The following FNDC3A variants were observed in gnomAD, a reference collection of about 807,000 sequenced individuals.
FNDC3A encodes the protein fibronectin type III domain containing 3A.
FNDC3A carries 32 observed loss-of-function variants against 148.9 expected under a neutral mutation model. The ratio of observed to expected loss-of-function variants is 0.21; its 90% CI spans 0.16 to 0.29. The LOEUF (loss-of-function observed/expected upper bound fraction) is 0.29, where lower values mean the gene tolerates loss of function less well. Among genes scored for constraint, FNDC3A ranks in the 10% least tolerant of loss-of-function variants. The probability of loss-of-function intolerance (pLI) is 1.00; values close to 1 mark genes in which losing one functional copy is unlikely to be tolerated. For synonymous variants in FNDC3A, 472 were observed against 473.6 expected (o/e 1.00, Z 0.04); for missense variants, 1,191 against 1,452.8 (o/e 0.82, Z 2.93).
chr13:49,085,342 T>G (rs950313446), intron 3 of FNDC3A, among the ~76,000 whole-genome samples: 1 of 152,228 alleles, frequency 6.6e-6, no homozygotes, highest in African/African-American at 2.4e-5. Flanking sequence ...GGCCTTGTCC[T>G]TCTCTCATGT....
rs150947483 is a variant in FNDC3A at position 49,029,000 on chromosome 13, G to A, written c.99+22711G>A. ...GTAAGAATTTTTTTCTTGAGACAAG[G>A]TTTTACTTTGTCACCCAGGCTGGAG... On this transcript the variant is annotated intron_variant, in intron 2 of 25. Transcript: ENST00000492622. Among the ~76,000 whole-genome samples, 3 of 152,220 alleles carry A rather than the reference G, an allele frequency of 2.0e-5. No individual in the cohort carries two copies. The East Asian group carries it at 5.8e-4, about 29-fold the overall frequency.
chr13:49,192,458 A>G (rs1440557560), intron 19 of FNDC3A, among the ~76,000 whole-genome samples: 1 of 152,006 alleles, frequency 6.6e-6, no homozygotes, highest in Non-Finnish European at 1.5e-5. Flanking sequence ...CCACACCTGG[A>G]TAATTTTTTC....
intron 12 of FNDC3A, 25 bp from the exon 13 acceptor site, chr13:49,175,342 C>T: frequency 1.3e-6 from 2 of 1,511,302 alleles, no homozygotes; most frequent in Non-Finnish European, 1.8e-6. Flanking sequence ...TTTTTCATGC[C>T]TTTTAAAACC....
chr13:49,051,078 G>C (rs1461016046), intron 2 of FNDC3A, among the ~76,000 whole-genome samples: 2 of 152,114 alleles, frequency 1.3e-5, no homozygotes, highest in East Asian at 3.8e-4. Flanking sequence ...GCAGAAACTT[G>C]GTTGGTAAAT....
At chr13:49,021,784 C>T (rs1438713601) in intron 2 of FNDC3A, among the ~76,000 whole-genome samples, 1 of 152,090 alleles carries the variant, frequency 6.6e-6, no homozygotes, top group Non-Finnish European at 1.5e-5. Flanking sequence ...CTGTGTCATT[C>T]CTAATGATAT....
chr13:49,057,132 G>T (rs1165704354), intron 2 of FNDC3A, among the ~76,000 whole-genome samples: 1 of 152,064 alleles, frequency 6.6e-6, no homozygotes, highest in Non-Finnish European at 1.5e-5. Flanking sequence ...TTTGTCTAGG[G>T]GTTTCTAGAT....
chr13:49,158,144 C>T (rs1883835365), intron 8 of FNDC3A, among the ~76,000 whole-genome samples: 1 of 152,196 alleles, frequency 6.6e-6, no homozygotes, highest in Admixed American at 6.5e-5. Flanking sequence ...GCAGTTTGAT[C>T]TCAGACTGCT....
chr13:49,039,660 T>C (rs1487614571), intron 2 of FNDC3A, among the ~76,000 whole-genome samples: 1 of 152,208 alleles, frequency 6.6e-6, no homozygotes, highest in East Asian at 1.9e-4. Flanking sequence ...ACTGGGCATA[T>C]TTATAACTTT....
chr13:49,036,666 G>A (rs1484144772), intron 2 of FNDC3A, among the ~76,000 whole-genome samples: 2 of 152,174 alleles, frequency 1.3e-5, no homozygotes. Flanking sequence ...TGTAGTGGAG[G>A]TGACATCATG....
chr13:49,132,015 T>C (rs1882066567), intron 5 of FNDC3A, among the ~76,000 whole-genome samples: 1 of 152,214 alleles, frequency 6.6e-6, no homozygotes, highest in Admixed American at 6.5e-5. Context: ...CACGACTTGC[T>C]TTTTTTCCGT....
At chr13:49,151,639 A>G (rs973418417) in intron 8 of FNDC3A, among the ~76,000 whole-genome samples, 1 of 152,108 alleles carries the variant, frequency 6.6e-6, no homozygotes, top group Non-Finnish European at 1.5e-5. Context: ...GGTTTGTTAC[A>G]TAGGTATACA....
intron 3 of FNDC3A, among the ~76,000 whole-genome samples, chr13:49,075,975 T>G (rs1217271960): frequency 6.6e-6 from 1 of 152,150 alleles, no homozygotes; most frequent in Non-Finnish European, 1.5e-5. Flanking sequence ...TTCTGTGAAC[T>G]GTAGGGTGTT....
rs1426844571 is a variant in FNDC3A, at chr13:49,114,570, G to A, written c.176-85G>A. 2.0e-5 allele frequency: 17 copies of A among 845,922 alleles called. No homozygotes were observed. The South Asian group carries it at 2.3e-4, about 11-fold the overall frequency. The allele number at this position is 845,922 out of a possible 1,614,324, so 52.4% of individuals were successfully genotyped here. A position where few individuals can be genotyped will look rare whatever the true frequency, so the allele number is the denominator to read the frequency against. On this transcript the variant is annotated intron_variant, in intron 3 of 25. Transcript: ENST00000492622. The stretch of plus-strand genomic sequence containing the variant: ...CTGTTGGCTTGAGTGTTTAGATGAA[G>A]TATTCAAAATGTAATTCAAATTGTT...
chr13:49,159,467 T>A (rs562278713), intron 8 of FNDC3A, among the ~76,000 whole-genome samples: 1 of 152,262 alleles, frequency 6.6e-6, no homozygotes, highest in African/African-American at 2.4e-5. Flanking sequence ...CACATTGATG[T>A]TGTATCCTGA....
chr13:49,160,319 A>T (rs1007827474), intron 8 of FNDC3A, among the ~76,000 whole-genome samples: 4 of 152,140 alleles, frequency 2.6e-5, no homozygotes, highest in African/African-American at 9.7e-5. Context: ...CTATTCAGGG[A>T]TTCGACTTCT....
intron 2 of FNDC3A, among the ~76,000 whole-genome samples, chr13:49,074,339 T>A (rs984383207): frequency 1.8e-4 from 27 of 152,300 alleles, no homozygotes; most frequent in Middle Eastern, 3.4e-3. Flanking sequence ...AAAATAGTGA[T>A]GTTTGGTTTT....
intron 2 of FNDC3A, among the ~76,000 whole-genome samples, chr13:49,020,483 C>A (rs1199510388): frequency 6.6e-6 from 1 of 152,210 alleles, no homozygotes; most frequent in Non-Finnish European, 1.5e-5. Context: ...CTGTAGTTTA[C>A]CAAAAGGTTT....
At chr13:49,131,395 C>G (rs1182411959) in intron 5 of FNDC3A, 21 bp downstream of exon 5, 1 of 1,500,720 alleles carries the variant, frequency 6.7e-7, no homozygotes, top group African/African-American at 1.4e-5. Flanking sequence ...TAAAAGTATT[C>G]CACTGTTATT....
intron 8 of FNDC3A, among the ~76,000 whole-genome samples, chr13:49,158,530 C>G (rs959865762): frequency 8.5e-5 from 13 of 152,144 alleles, no homozygotes; most frequent in African/African-American, 3.1e-4. Context: ...CCTATTCGGC[C>G]ATCTTCGATT....
Sources: gnomAD v4.1 joint callset for allele counts (sites outside exome capture counted in the v4.1 genomes callset) on GRCh38, gnomAD v4.1.1 for gene constraint, MANE v1.5 for transcripts, NCBI Gene and HGNC (gene_info 2026-07-23, HGNC 2026-07-21) for gene names.